The following SNTG1 variants were observed in gnomAD, a reference collection of about 807,000 sequenced individuals.
SNTG1 encodes syntrophin gamma 1, also known as gamma-1-syntrophin.
Under a neutral mutation model 74.7 loss-of-function variants are expected in SNTG1, and 39 were observed. That is an observed-to-expected ratio of 0.52 (90% CI 0.40 to 0.68). The LOEUF (loss-of-function observed/expected upper bound fraction) is 0.68. Among genes scored for constraint, SNTG1 ranks in the 30% least tolerant of loss-of-function variants. SNTG1 has a pLI of 0.00. For synonymous variants in SNTG1, 254 were observed against 217.1 expected, an observed-to-expected ratio of 1.17 and a Z score of -1.49; for missense variants, 685 against 609.5, an observed-to-expected ratio of 1.12 and a Z score of -1.30.
At chr8:50,598,773 T>C (rs1258514026) in intron 13 of SNTG1, among the ~76,000 whole-genome samples, 1 of 152,034 alleles carries the variant, frequency 6.6e-6, no homozygotes, top group Admixed American at 6.6e-5. Context: ...TTATAGTTTT[T>C]ATTATAGAGA....
chr8:50,062,233 G>C (rs1439965831), intron 1 of SNTG1, among the ~76,000 whole-genome samples: 1 of 152,056 alleles, frequency 6.6e-6, no homozygotes, highest in Non-Finnish European at 1.5e-5. Flanking sequence ...TTTAAATAGA[G>C]ACAAGGTTTC....
chr8:50,369,322 C>A lies in SNTG1; in HGVS notation c.-27-24890C>A, dbSNP rs558480317. Among the ~76,000 whole-genome samples, 345 of 152,278 alleles carry A rather than the reference C, an allele frequency of 2.3e-3. 2 individuals are homozygous for A. The highest frequency in any genetic ancestry group is 7.9e-3 in the African/African-American group (329 of 41,550). On this transcript the variant is annotated intron_variant, in intron 2 of 18. Transcript: ENST00000642720. ...TTTAAGAAAAGAAAAAGAGGCTGGGCACGGTGGCTAACGCCTGTAATCCCA... is the reference window on the plus strand; with the variant it reads ...TTTAAGAAAAGAAAAAGAGGCTGGGAACGGTGGCTAACGCCTGTAATCCCA...
chr8:50,729,174 C>T (rs7820529), intron 17 of SNTG1, among the ~76,000 whole-genome samples: 6,646 of 152,246 alleles, frequency 0.044, 380 homozygotes, highest in African/African-American at 0.12. Context: ...GCTTGGATAG[C>T]TTGCTGGTGC....
rs565259442 is a variant in SNTG1 at position 50,564,493 on chromosome 8, A to G, written c.810+11314A>G. On this transcript the variant is annotated intron_variant, in intron 12 of 18. Transcript: ENST00000642720. ...AGTTATTTTGCATTTAAACTCATGT[A>G]TGGGCCAGAAAGCCCAATTCTTGTG... is the stretch of plus-strand genomic sequence containing the variant. 2.0e-5 allele frequency among the ~76,000 whole-genome samples: 3 copies of G among 152,236 alleles called. No homozygotes were observed. The East Asian group carries it at 5.8e-4, about 29-fold the overall frequency.
At chr8:50,310,845 A>G (rs1431395579) in intron 2 of SNTG1, among the ~76,000 whole-genome samples, 1 of 152,374 alleles carries the variant, frequency 6.6e-6, no homozygotes, top group South Asian at 2.1e-4. Context: ...TAAAATACAC[A>G]TTTCCCATAT....
At chr8:49,972,852 A>G (rs1811827126) in intron 1 of SNTG1, among the ~76,000 whole-genome samples, 1 of 152,220 alleles carries the variant, frequency 6.6e-6, no homozygotes, top group South Asian at 2.1e-4. Flanking sequence ...ATCATTAAAA[A>G]GTCAGGAAAC....
chr8:50,063,584 T>C (rs1168353886), intron 1 of SNTG1, among the ~76,000 whole-genome samples: 1 of 152,246 alleles, frequency 6.6e-6, no homozygotes, highest in African/African-American at 2.4e-5. Context: ...TTGTCATCTC[T>C]TCTTTTGTCC....
chr8:50,168,878 T>A (rs994374270), intron 1 of SNTG1, among the ~76,000 whole-genome samples: 1 of 152,208 alleles, frequency 6.6e-6, no homozygotes, highest in Admixed American at 6.5e-5. Flanking sequence ...ATAACTGCAG[T>A]ACCTGATTAT....
intron 17 of SNTG1, among the ~76,000 whole-genome samples, chr8:50,730,475 G>T (rs921145809): frequency 6.6e-6 from 1 of 152,036 alleles, no homozygotes; most frequent in Non-Finnish European, 1.5e-5. Flanking sequence ...GACATTAGGG[G>T]CATTACATGA....
At chr8:50,467,764 C>T (rs956500684) in intron 8 of SNTG1, among the ~76,000 whole-genome samples, 1 of 151,872 alleles carries the variant, frequency 6.6e-6, no homozygotes, top group Non-Finnish European at 1.5e-5. Flanking sequence ...CTAATACATG[C>T]ATTCAATGGT....
At chr8:50,074,414 A>G (rs1821639516) in intron 1 of SNTG1, among the ~76,000 whole-genome samples, 1 of 152,152 alleles carries the variant, frequency 6.6e-6, no homozygotes, top group Admixed American at 6.5e-5. Context: ...AACTTTCTTC[A>G]TATCAGCAAC....
chr8:50,435,229 G>A (rs2093288624), intron 4 of SNTG1, among the ~76,000 whole-genome samples: 2 of 151,770 alleles, frequency 1.3e-5, no homozygotes, highest in Admixed American at 1.3e-4. Context: ...TTTTTGTAAC[G>A]AAAAAGAAGA....
chr8:50,194,881 A>G (rs571698236), intron 2 of SNTG1, among the ~76,000 whole-genome samples: 1 of 152,216 alleles, frequency 6.6e-6, no homozygotes, highest in East Asian at 1.9e-4. Flanking sequence ...ATTGTCATTC[A>G]GTTCGAAGAA....
At chr8:50,627,588 C>T (rs1448163063) in intron 13 of SNTG1, among the ~76,000 whole-genome samples, 1 of 152,054 alleles carries the variant, frequency 6.6e-6, no homozygotes, top group Non-Finnish European at 1.5e-5. Context: ...AAAACAGACA[C>T]AACATCAATT....
At chr8:50,355,350 C>T (rs1279299189) in intron 2 of SNTG1, among the ~76,000 whole-genome samples, 1 of 151,898 alleles carries the variant, frequency 6.6e-6, no homozygotes, top group Non-Finnish European at 1.5e-5. Flanking sequence ...TTATGATATA[C>T]TATGACCAGA....
At chr8:50,147,614 T>G (rs1449624923) in intron 1 of SNTG1, among the ~76,000 whole-genome samples, 1 of 152,202 alleles carries the variant, frequency 6.6e-6, no homozygotes, top group African/African-American at 2.4e-5. Flanking sequence ...TGATTCAGCA[T>G]TTTTTCTGTC....
intron 15 of SNTG1, among the ~76,000 whole-genome samples, chr8:50,696,246 A>G (rs564327295): frequency 6.6e-6 from 1 of 152,014 alleles, no homozygotes; most frequent in East Asian, 1.9e-4. Context: ...CAAATGTCTG[A>G]TGGTCACTTG....
chr8:50,287,337 T>C (rs988920805), intron 2 of SNTG1, among the ~76,000 whole-genome samples: 3 of 152,166 alleles, frequency 2.0e-5, no homozygotes, highest in Admixed American at 6.5e-5. Context: ...TTCTCCTAGT[T>C]CCCTTGTCTT....
chr8:50,055,271 A>T (rs1371005182), intron 1 of SNTG1, among the ~76,000 whole-genome samples: 1 of 152,114 alleles, frequency 6.6e-6, no homozygotes, highest in Non-Finnish European at 1.5e-5. Flanking sequence ...TATAGTATTT[A>T]TATGTTCCAT....
Sources: allele counts gnomAD v4.1 joint callset (sites outside exome capture counted in the v4.1 genomes callset), GRCh38; gene constraint gnomAD v4.1.1; transcripts MANE v1.5; gene names NCBI Gene and HGNC (gene_info 2026-07-23, HGNC 2026-07-21).